Variants in PDS5B observed in about 807,000 individuals in gnomAD.
PDS5B encodes PDS5 cohesin associated factor B.
In PDS5B, 51 loss-of-function variants were observed where a neutral mutation model predicts 184.1. That is an observed-to-expected ratio of 0.28 (90% confidence interval 0.22 to 0.35). The LOEUF is 0.35. Among genes scored for constraint, PDS5B ranks in the 10% least tolerant of loss-of-function variants. PDS5B has a pLI of 1.00. For synonymous variants in PDS5B, 566 were observed against 569.2 expected (o/e 0.99, Z 0.08); for missense variants, 1,180 against 1,723.3 (o/e 0.68, Z 5.58).
In PDS5B at chr13:32,596,780, A is replaced by G. The variant is rs146500583; in HGVS notation, c.-20+10187A>G. 6.6e-5 allele frequency among the ~76,000 whole-genome samples: 10 copies of G among 152,184 alleles called. No homozygotes were observed. In the East Asian group the frequency reaches 1.5e-3, roughly 24 times the overall value. On this transcript the variant is annotated intron_variant, in intron 1 of 34. Transcript: ENST00000315596. Reference sequence around the variant, plus strand: ...ACCTTTTTGCATGGTTGTTGACAGTATATTTTCTTTCGTAGGATGCCTCTT... The same window carrying G: ...ACCTTTTTGCATGGTTGTTGACAGTGTATTTTCTTTCGTAGGATGCCTCTT...
chr13:32,623,490 CCT>C (rs1297985230), intron 1 of PDS5B, among the ~76,000 whole-genome samples: 1 of 131,328 alleles, frequency 7.6e-6, no homozygotes. Flanking sequence ...CTATTATCCT[CCT>C]TGCTTTAAAC....
intron 1 of PDS5B, among the ~76,000 whole-genome samples, chr13:32,588,707 ATTG>A (rs774559169): frequency 1.3e-5 from 2 of 152,098 alleles, no homozygotes; most frequent in African/African-American, 2.4e-5. Context: ...GATGATAGTG[ATTG>A]TTGTTAGGAG....
rs1954932788 is a variant in PDS5B, at chr13:32,775,637, A to AT, written c.*587dup. ...CTTCAGAGGTGCTAAATTGTCTGCC[A>AT]TTACACCAGAAGGATGCCTCTGATA... is the stretch of plus-strand genomic sequence containing the variant. On this transcript the variant is annotated 3_prime_UTR_variant, in exon 35 of 35. Coordinates refer to ENST00000315596, the MANE Select transcript of PDS5B (RefSeq NM_015032.4). The AT allele has an allele frequency of 6.6e-6, 3 of 456,110 alleles. No homozygotes were observed. Among genetic ancestry groups the AT allele is most frequent in the Non-Finnish European group, 1.3e-5 (3 of 226,674 alleles). 28.3% of individuals were successfully genotyped at this position (456,110 alleles called of 1,614,324 possible). A position where few individuals can be genotyped will look rare whatever the true frequency, so the allele number is the denominator to read the frequency against.
At chr13:32,707,435 A>C (rs1952062274) in intron 18 of PDS5B, among the ~76,000 whole-genome samples, 1 of 152,028 alleles carries the variant, frequency 6.6e-6, no homozygotes, top group Non-Finnish European at 1.5e-5. Context: ...ATATAAAATT[A>C]TAAAAAACAT....
intron 1 of PDS5B, among the ~76,000 whole-genome samples, chr13:32,641,948 T>C (rs149379720): frequency 2.4e-4 from 37 of 152,324 alleles, no homozygotes; most frequent in African/African-American, 8.9e-4. Flanking sequence ...GTACATTTGC[T>C]CATCATTGTA....
rs1440637523 is a variant in PDS5B, at chr13:32,724,107, A to G, written c.2124-7994A>G. On this transcript the variant is annotated intron_variant, in intron 19 of 34. Transcript: ENST00000315596. ...AACTTAATGTCCAATTGGTTTTCTC[A>G]AAAAATGTGTTTTTGTTGTTGTTGT... 2.0e-5 allele frequency among the ~76,000 whole-genome samples: 3 copies of G among 152,252 alleles called. No homozygotes were observed. The East Asian group carries it at 5.8e-4, about 29-fold the overall frequency.
chr13:32,626,113 T>A (rs890256383), intron 1 of PDS5B, among the ~76,000 whole-genome samples: 8 of 152,188 alleles, frequency 5.3e-5, no homozygotes, highest in Non-Finnish European at 8.8e-5. Context: ...GTGCTGGGAT[T>A]ACAGGCGTGG....
chr13:32,635,420 T>C (rs1407746783), intron 1 of PDS5B, among the ~76,000 whole-genome samples: 2 of 146,256 alleles, frequency 1.4e-5, no homozygotes, highest in Admixed American at 6.9e-5. Flanking sequence ...CTTGGCTCAC[T>C]ACAACCTCCG....
At chr13:32,671,519 T>C (rs961204148) in intron 7 of PDS5B, among the ~76,000 whole-genome samples, 54 of 152,200 alleles carry the variant, frequency 3.5e-4, no homozygotes, top group Non-Finnish European at 7.1e-4. Flanking sequence ...ATTTTCAGCC[T>C]GAATAAGAAA....
At chr13:32,664,726 T>C (rs1161730538) in intron 6 of PDS5B, among the ~76,000 whole-genome samples, 1 of 152,068 alleles carries the variant, frequency 6.6e-6, no homozygotes, top group Non-Finnish European at 1.5e-5. Flanking sequence ...AAGTGACGCA[T>C]GTCTGTAGTC....
intron 24 of PDS5B, among the ~76,000 whole-genome samples, chr13:32,752,384 A>G (rs554748918): frequency 1.3e-5 from 2 of 152,306 alleles, no homozygotes; most frequent in Admixed American, 6.5e-5. Flanking sequence ...CTTGGAATGT[A>G]TCCTCTACCT....
intron 7 of PDS5B, among the ~76,000 whole-genome samples, chr13:32,670,371 C>T (rs538553656): frequency 3.9e-5 from 6 of 152,194 alleles, no homozygotes; most frequent in Non-Finnish European, 7.4e-5. Flanking sequence ...AATGAAACAC[C>T]ATGTCTGGTG....
chr13:32,728,486 A>G (rs936793778), intron 19 of PDS5B, among the ~76,000 whole-genome samples: 1 of 152,170 alleles, frequency 6.6e-6, no homozygotes, highest in South Asian at 2.1e-4. Context: ...TATCCAGCCA[A>G]AGACTCAGGG....
At chr13:32,633,160 CAG>C (rs1038301372) in intron 1 of PDS5B, among the ~76,000 whole-genome samples, 3 of 152,116 alleles carry the variant, frequency 2.0e-5, no homozygotes, top group Non-Finnish European at 4.4e-5. Flanking sequence ...CTGGGGAAAA[CAG>C]GGCATGGGAT....
chr13:32,621,476 A>G (rs1209034247), intron 1 of PDS5B, among the ~76,000 whole-genome samples: 1 of 152,158 alleles, frequency 6.6e-6, no homozygotes, highest in African/African-American at 2.4e-5. Context: ...CAAAAAAAAG[A>G]GGAGAAGGTG....
At chr13:32,653,246 G>A (rs1289198415) in intron 3 of PDS5B, among the ~76,000 whole-genome samples, 1 of 151,906 alleles carries the variant, frequency 6.6e-6, no homozygotes, top group Non-Finnish European at 1.5e-5. Context: ...GTGAGATTGC[G>A]CCGCTGCACT....
At chr13:32,678,158 T>C (rs1484121783) in intron 9 of PDS5B, among the ~76,000 whole-genome samples, 2 of 152,180 alleles carry the variant, frequency 1.3e-5, no homozygotes, top group Non-Finnish European at 2.9e-5. Context: ...CATACACATA[T>C]ACAGCAGTTG....
chr13:32,644,241 G>A (rs1001460168), intron 1 of PDS5B, among the ~76,000 whole-genome samples: 1 of 152,082 alleles, frequency 6.6e-6, no homozygotes, highest in Non-Finnish European at 1.5e-5. Context: ...ACAATTTTTT[G>A]ACTTTATGAT....
In PDS5B at chr13:32,696,021, A is replaced by G. The variant is rs139860897; in HGVS notation, c.1552-833A>G. ...GTTCCCCCCAAATAAAACAGCAACAATAGAAATCTTACATGTTTCTAGACA... is the reference window on the plus strand; with the variant it reads ...GTTCCCCCCAAATAAAACAGCAACAGTAGAAATCTTACATGTTTCTAGACA... On this transcript the variant is annotated intron_variant, in intron 14 of 34. Transcript: ENST00000315596. Among the ~76,000 whole-genome samples, 6 of 152,256 alleles carry G rather than the reference A, an allele frequency of 3.9e-5. No individual in the cohort carries two copies. In the East Asian group the frequency reaches 7.7e-4, roughly 20 times the overall value.
Sources: gnomAD v4.1 joint callset for allele counts (sites outside exome capture counted in the v4.1 genomes callset) on GRCh38, gnomAD v4.1.1 for gene constraint, MANE v1.5 for transcripts, NCBI Gene and HGNC (gene_info 2026-07-23, HGNC 2026-07-21) for gene names.